Variants in MAMDC2 observed in about 807,000 individuals in gnomAD.
MAMDC2 encodes the protein MAM domain-containing protein 2.
MAMDC2 carries 57 observed loss-of-function variants against 89.8 expected under a neutral mutation model. The observed-to-expected ratio is 0.63, with a 90% CI of 0.51 to 0.79. The LOEUF (loss-of-function observed/expected upper bound fraction) is 0.79, where lower values mean the gene tolerates loss of function less well. MAMDC2 is among the 30% of genes least tolerant of loss of function. The pLI is 0.00. For missense variants in MAMDC2, 800 were observed against 820.6 expected (o/e 0.97, Z 0.31); for synonymous variants, 313 against 293.4 (o/e 1.07, Z -0.68).
chr9:70,210,921 T>G (rs1184669416), intron 11 of MAMDC2, among the ~76,000 whole-genome samples: 1 of 152,232 alleles, frequency 6.6e-6, no homozygotes, highest in East Asian at 1.9e-4. Context: ...AATTCTGGGT[T>G]GAAAATTCTT....
intron 2 of MAMDC2, among the ~76,000 whole-genome samples, chr9:70,103,168 T>C (rs1159751702): frequency 6.6e-6 from 1 of 152,174 alleles, no homozygotes; most frequent in East Asian, 1.9e-4. Context: ...TTCAGGAGCA[T>C]GTATTCAAGA....
At chr9:70,044,307 G>A in intron 1 of MAMDC2, 76 bp downstream of exon 1, 2 of 1,509,386 alleles carry the variant, frequency 1.3e-6, no homozygotes, top group Non-Finnish European at 1.8e-6. Context: ...CCGGGGGTCC[G>A]GCTCACCGTG....
chr9:70,207,022 T>C lies in MAMDC2; in HGVS notation c.1652-11315T>C, dbSNP rs537702914. 4.6e-5 allele frequency among the ~76,000 whole-genome samples: 7 copies of C among 152,350 alleles called. No homozygotes were observed. In the East Asian group the frequency reaches 1.3e-3, roughly 29 times the overall value. ...TATGTGCCACATTTTCTTAATCCAG[T>C]CTATCATTGATGGACATTTGGGTTG... is the stretch of plus-strand genomic sequence containing the variant. On this transcript the variant is annotated intron_variant, in intron 11 of 13. Transcript: ENST00000377182.
At chr9:70,059,312 T>C (rs898312061) in intron 2 of MAMDC2, among the ~76,000 whole-genome samples, 2 of 152,188 alleles carry the variant, frequency 1.3e-5, no homozygotes, top group African/African-American at 4.8e-5. Context: ...CATTTAATTC[T>C]TACAACCCAG....
At chr9:70,059,708 T>G (rs572498251) in intron 2 of MAMDC2, among the ~76,000 whole-genome samples, 2 of 152,278 alleles carry the variant, frequency 1.3e-5, no homozygotes, top group East Asian at 1.9e-4. Context: ...GAAAATAGAT[T>G]TCTTCATCGT....
Position 70,221,407 on chromosome 9 carries a change from A to AGAGAGAGAGAGAGAGG in MAMDC2, c.1911+2812_1911+2813insAGAGAGAGAGAGAGGG, listed in dbSNP as rs1491076799. On this transcript the variant is annotated intron_variant, in intron 12 of 13. Transcript: ENST00000377182. ...GAGAGAGAGAGAGAGAGAGAGAGAG[A>AGAGAGAGAGAGAGAGG]GTAACATCAGATAACAAGTGCTATG... Among the ~76,000 whole-genome samples the AGAGAGAGAGAGAGAGG allele has an allele frequency of 2.3e-4, 27 of 119,928 alleles. 1 individual carries two copies. The highest frequency in any genetic ancestry group is 7.6e-4 in the African/African-American group (24 of 31,668). The allele number at this position is 119,928 out of a possible 152,430, so 78.7% of individuals were successfully genotyped here.
chr9:70,203,217 C>T (rs767449233), intron 11 of MAMDC2, among the ~76,000 whole-genome samples: 497 of 152,050 alleles, frequency 3.3e-3, no homozygotes, highest in Non-Finnish European at 4.9e-3. Flanking sequence ...CCATGTTTAG[C>T]GCTTCCTTAA....
intron 2 of MAMDC2, among the ~76,000 whole-genome samples, chr9:70,105,201 A>G (rs1828305536): frequency 6.6e-6 from 1 of 152,090 alleles, no homozygotes; most frequent in Non-Finnish European, 1.5e-5. Context: ...CTTCTAGTTC[A>G]ATTTAGCTAT....
chr9:70,071,543 GGTGGAGACACAAAGT>G (rs1364230079), intron 2 of MAMDC2: 1 of 152,120 alleles, frequency 6.6e-6, no homozygotes, highest in East Asian at 1.9e-4. Context: ...TAATGAAGGC[GGTGGAGACACAAAGT>G]GTTTTGTGAA....
chr9:70,089,308 G>A (rs1391301065), intron 2 of MAMDC2: 1 of 152,196 alleles, frequency 6.6e-6, no homozygotes, highest in Non-Finnish European at 1.5e-5. Context: ...AGTCTAGACA[G>A]GGCTGAACAT....
intron 11 of MAMDC2, among the ~76,000 whole-genome samples, chr9:70,207,243 C>T (rs1482223832): frequency 2.0e-5 from 3 of 152,218 alleles, no homozygotes; most frequent in East Asian, 3.8e-4. Context: ...TACAGAACCA[C>T]CAGCAGTGTA....
At chr9:70,099,650 CT>C (rs1413253378) in intron 2 of MAMDC2, among the ~76,000 whole-genome samples, 1 of 152,070 alleles carries the variant, frequency 6.6e-6, no homozygotes, top group Non-Finnish European at 1.5e-5. Flanking sequence ...CTTGGAAGAT[CT>C]TCTACATAGG....
At chr9:70,194,414 G>A (rs2118610309) in intron 11 of MAMDC2, 1 of 152,202 alleles carries the variant, frequency 6.6e-6, no homozygotes, top group South Asian at 2.1e-4. Context: ...TTGTAAAAGA[G>A]GTTTCACGCA....
chr9:70,084,969 A>C (rs1349417568), intron 2 of MAMDC2, among the ~76,000 whole-genome samples: 1 of 152,130 alleles, frequency 6.6e-6, no homozygotes, highest in East Asian at 1.9e-4. Flanking sequence ...AACTTGTTTT[A>C]ATATAGAATT....
intron 11 of MAMDC2, among the ~76,000 whole-genome samples, chr9:70,209,265 T>G (rs1205283502): frequency 1.3e-5 from 2 of 152,162 alleles, no homozygotes. Flanking sequence ...GGTCCTGGAC[T>G]TTTTTTGGTT....
At chr9:70,217,194 C>T in intron 11 of MAMDC2, 1 of 730,390 alleles carries the variant, frequency 1.4e-6, no homozygotes, top group South Asian at 1.5e-5. Flanking sequence ...GAGCCGTCGC[C>T]ACGAAGGTCG....
chr9:70,145,149 C>T (rs968568447), intron 9 of MAMDC2, among the ~76,000 whole-genome samples: 8 of 152,142 alleles, frequency 5.3e-5, no homozygotes, highest in Non-Finnish European at 8.8e-5. Flanking sequence ...CTTACAGAAA[C>T]GGCTTCTTAT....
chr9:70,115,432 G>A (rs1194563422), intron 5 of MAMDC2, among the ~76,000 whole-genome samples: 1 of 151,774 alleles, frequency 6.6e-6, no homozygotes, highest in Non-Finnish European at 1.5e-5. Context: ...TCAGCTCAGT[G>A]CAACCTCCAC....
intron 8 of MAMDC2, among the ~76,000 whole-genome samples, chr9:70,142,102 G>A (rs988194799): frequency 6.6e-6 from 1 of 152,162 alleles, no homozygotes; most frequent in Non-Finnish European, 1.5e-5. Context: ...TTCTTTCACA[G>A]TAGAAAGAAA....
Sources: allele counts gnomAD v4.1 joint callset (sites outside exome capture counted in the v4.1 genomes callset), GRCh38; gene constraint gnomAD v4.1.1; transcripts MANE v1.5; gene names NCBI Gene and HGNC (gene_info 2026-07-23, HGNC 2026-07-21).